METTL21A: variants seen among roughly 807,000 people sequenced by gnomAD.
METTL21A encodes protein N-lysine methyltransferase METTL21A.
METTL21A carries 22 observed loss-of-function variants against 20.9 expected under a neutral mutation model. The ratio of observed to expected loss-of-function variants is 1.05; its 90% confidence interval spans 0.75 to 1.50. METTL21A has a LOEUF of 1.50. Ranked by LOEUF, METTL21A falls within the 40% of genes most tolerant of loss-of-function variation. The pLI is 0.00. For missense variants in METTL21A, 271 were observed against 266.8 expected, an observed-to-expected ratio of 1.02 and a Z score of -0.11; for synonymous variants, 93 against 102.0, an observed-to-expected ratio of 0.91 and a Z score of 0.53.
At chr2:207,621,719 A>G in intron 3 of METTL21A, 87 bp downstream of exon 3, 1 of 1,174,752 alleles carries the variant, frequency 8.5e-7, no homozygotes, top group South Asian at 1.2e-5. Context: ...GTAAGGGGAA[A>G]ACCCACGAAG....
At chr2:207,619,505 T>C (rs555411875) in intron 3 of METTL21A, among the ~76,000 whole-genome samples, 2 of 152,266 alleles carry the variant, frequency 1.3e-5, no homozygotes, top group South Asian at 4.1e-4. Context: ...TGACTACAAA[T>C]AGTGAGTATG....
chr2:207,602,294 A>G (rs2087201946), intron 3 of METTL21A: 1 of 193,710 alleles, frequency 5.2e-6, no homozygotes, highest in Admixed American at 6.1e-5. Context: ...TTGATATTAT[A>G]AACAGGCAGT....
In METTL21A at chr2:207,613,356, GT is replaced by G; in HGVS notation, c.346del (p.Thr116LeufsTer8). On this transcript the variant is annotated frameshift_variant, in exon 4 of 4. Transcript: ENST00000406927. LOFTEE classifies it high-confidence loss of function. ...AGTCAGCTCCTTAACAACAGTTTTAGTTTGGATATGAGGAGGTAAGTTGGCT... is the reference window on the plus strand; with the variant it reads ...AGTCAGCTCCTTAACAACAGTTTTAGTTGGATATGAGGAGGTAAGTTGGCT... 1 of 1,613,680 alleles carries G rather than the reference GT, an allele frequency of 6.2e-7. No homozygotes were observed. The highest frequency in any genetic ancestry group is 8.5e-7 in the Non-Finnish European group (1 of 1,179,958).
chr2:207,590,279 G>A (rs904244669), intron 3 of METTL21A, among the ~76,000 whole-genome samples: 1 of 151,110 alleles, frequency 6.6e-6, no homozygotes, highest in Non-Finnish European at 1.5e-5. Context: ...ATGTCCCCCC[G>A]CTTCATTCCT....
rs200152562 is a variant in METTL21A at position 207,582,916 on chromosome 2, A to AT, written c.260-757_260-756insA. The AT allele has an allele frequency of 1.3e-3, 303 of 232,446 alleles. 3 individuals carry two copies. Among genetic ancestry groups the AT allele is most frequent in the Admixed American group, 2.7e-3 (55 of 20,556 alleles). The allele number at this position is 232,446 out of a possible 1,614,324, so 14.4% of individuals were successfully genotyped here. On this transcript the variant is annotated intron_variant, in intron 3 of 3. Transcript: ENST00000425132. ...AAAAAAACAAACAAACAAACAAAAA[A>AT]AAATATATATATATACATACACACA...
In METTL21A at chr2:207,582,745, T is replaced by G. The variant is rs562129639; in HGVS notation, c.260-585A>C. The G allele has an allele frequency of 2.6e-5, 5 of 190,394 alleles. No homozygotes were observed. In the East Asian group the frequency reaches 9.0e-4, roughly 34 times the overall value. The allele number at this position is 190,394 out of a possible 1,614,324, so 11.8% of individuals were successfully genotyped here. ...CCTCTCTCTACTAAAAAGAGAAAAT[T>G]TAGCCGGGGTGGTGGTGCACGCTTG... On this transcript the variant is annotated intron_variant, in intron 3 of 3. Coordinates refer to the METTL21A transcript ENST00000425132.
chr2:207,590,560 T>C (rs1379235923), intron 3 of METTL21A, among the ~76,000 whole-genome samples: 1 of 152,132 alleles, frequency 6.6e-6, no homozygotes, highest in Non-Finnish European at 1.5e-5. Flanking sequence ...TATTAATATA[T>C]ACCTTTGTCT....
chr2:207,613,939 C>T (rs192491177), intron 3 of METTL21A, among the ~76,000 whole-genome samples: 6 of 152,252 alleles, frequency 3.9e-5, no homozygotes, highest in African/African-American at 1.4e-4. Context: ...CCACTGCACT[C>T]CAGCCTGGGT....
intron 2 of METTL21A, among the ~76,000 whole-genome samples, chr2:207,622,259 C>T (rs1185558463): frequency 1.3e-5 from 2 of 151,590 alleles, no homozygotes; most frequent in Non-Finnish European, 2.9e-5. Flanking sequence ...ACCTCCACCT[C>T]CCAAGCTCAA....
At chr2:207,604,093 G>A (rs1479268500) in intron 3 of METTL21A, among the ~76,000 whole-genome samples, 1 of 152,140 alleles carries the variant, frequency 6.6e-6, no homozygotes, top group East Asian at 1.9e-4. Flanking sequence ...GGGACAATAG[G>A]CATGAACTAG....
At chr2:207,599,740 A>G in intron 3 of METTL21A, 1 of 196,068 alleles carries the variant, frequency 5.1e-6, no homozygotes, top group East Asian at 8.0e-5. Context: ...TGTAAGCATG[A>G]AACTTTGAGA....
At chr2:207,619,898 C>T (rs1469699941) in intron 3 of METTL21A, among the ~76,000 whole-genome samples, 1 of 152,136 alleles carries the variant, frequency 6.6e-6, no homozygotes, top group Non-Finnish European at 1.5e-5. Context: ...TACTATTATG[C>T]ACAATGTACA....
intron 3 of METTL21A, among the ~76,000 whole-genome samples, chr2:207,585,396 A>C (rs564419978): frequency 7.2e-5 from 11 of 152,266 alleles, no homozygotes; most frequent in African/African-American, 2.6e-4. Flanking sequence ...AATCCAGAGC[A>C]CCCTACCCAG....
At chr2:207,606,350 C>T (rs2088097857), downstream of METTL21A, among the ~76,000 whole-genome samples, 1 of 152,098 alleles carries the variant, frequency 6.6e-6, no homozygotes, top group African/African-American at 2.4e-5. Context: ...GGCATGGTGG[C>T]AGGCGCCTGT....
intron 3 of METTL21A, among the ~76,000 whole-genome samples, chr2:207,590,083 GTTTTT>G (rs59126515): frequency 5.3e-5 from 4 of 76,148 alleles, no homozygotes; most frequent in Admixed American, 3.5e-4. Flanking sequence ...ATTTTGAGAA[GTTTTT>G]TTTTTTTTTT....
At chr2:207,581,767 T>C (rs2082986739) in exon 4 of METTL21A, 1 of 681,624 alleles carries the variant, frequency 1.5e-6, no homozygotes, top group Non-Finnish European at 2.6e-6. Flanking sequence ...GAATTATACA[T>C]TTTATTTCCC....
At chr2:207,622,005 C>T in intron 2 of METTL21A, 88 bp from the exon 3 acceptor site, 4 of 1,111,988 alleles carry the variant, frequency 3.6e-6, no homozygotes, top group Non-Finnish European at 5.4e-6. Context: ...CCACCCCTCT[C>T]CCACTTCGAG....
chr2:207,624,505 G>GA lies in METTL21A; in HGVS notation c.-29-102dup, dbSNP rs886103767. On this transcript the variant is annotated intron_variant, in intron 1 of 3. Transcript: ENST00000406927. ...TTTAAGGTCGTTTACAAGTTCAAAAGAAAAAAAGAAACAGGTGGAGGAAGC... is the reference window on the plus strand; with the variant it reads ...TTTAAGGTCGTTTACAAGTTCAAAAGAAAAAAAAGAAACAGGTGGAGGAAGC... The GA allele has an allele frequency of 5.8e-6, 6 of 1,039,748 alleles. No homozygotes were observed. The African/African-American group carries it at 6.7e-5, about 12-fold the overall frequency. 64.4% of individuals were successfully genotyped at this position (1,039,748 alleles called of 1,614,324 possible).
At chr2:207,625,336 G>A (rs887774606) in exon 1 of METTL21A, 1 of 152,064 alleles carries the variant, frequency 6.6e-6, no homozygotes, top group East Asian at 1.9e-4. Flanking sequence ...GAAAACCGCC[G>A]GCCTTAAAGA....
Sources: allele counts gnomAD v4.1 joint callset (sites outside exome capture counted in the v4.1 genomes callset), GRCh38; gene constraint gnomAD v4.1.1; transcripts MANE v1.5; gene names NCBI Gene and HGNC (gene_info 2026-07-23, HGNC 2026-07-21).